The following FHOD3 variants were observed in gnomAD, a reference collection of about 807,000 sequenced individuals.
FHOD3 encodes the protein formin homology 2 domain containing 3.
Under a neutral mutation model 173.0 loss-of-function variants are expected in FHOD3, and 90 were observed. That is an observed-to-expected ratio of 0.52 (90% confidence interval 0.44 to 0.62). The LOEUF is 0.62. FHOD3 is among the 20% of genes least tolerant of loss of function. The probability of loss-of-function intolerance (pLI) is 0.00; values close to 1 mark genes in which losing one functional copy is unlikely to be tolerated. For synonymous variants in FHOD3, 828 were observed against 823.0 expected, an observed-to-expected ratio of 1.01 and a Z score of -0.10; for missense variants, 1,945 against 2,034.7, an observed-to-expected ratio of 0.96 and a Z score of 0.85.
At chr18:36,356,156 A>C (rs2046349200) in intron 2 of FHOD3, among the ~76,000 whole-genome samples, 1 of 152,256 alleles carries the variant, frequency 6.6e-6, no homozygotes, top group African/African-American at 2.4e-5. Context: ...ACTATTTTAG[A>C]TATTGTATTC....
chr18:36,390,920 C>G (rs992972126), intron 3 of FHOD3, among the ~76,000 whole-genome samples: 2 of 152,208 alleles, frequency 1.3e-5, no homozygotes, highest in African/African-American at 2.4e-5. Flanking sequence ...CTGGAAAGAT[C>G]AAGTATTTAC....
intron 7 of FHOD3, among the ~76,000 whole-genome samples, chr18:36,596,321 ATTTTTTTTTTTTTTTTT>A (rs539907617): frequency 0.023 from 1,325 of 57,614 alleles, 40 homozygotes; most frequent in Non-Finnish European, 0.026. Context: ...TGCCCAGCTA[ATTTTTTTTTTTTTTTTT>A]TTTTTTTTTT....
intron 24 of FHOD3, among the ~76,000 whole-genome samples, chr18:36,752,488 C>G (rs1407822596): frequency 6.6e-6 from 1 of 152,168 alleles, no homozygotes; most frequent in Non-Finnish European, 1.5e-5. Flanking sequence ...GGGGGGCCAG[C>G]CTGCCCATAA....
At chr18:36,386,687 G>C (rs2048048686) in intron 3 of FHOD3, among the ~76,000 whole-genome samples, 1 of 152,200 alleles carries the variant, frequency 6.6e-6, no homozygotes, top group African/African-American at 2.4e-5. Flanking sequence ...TGCTGTGGTG[G>C]AGATACTCAG....
intron 24 of FHOD3, among the ~76,000 whole-genome samples, 199 bp downstream of exon 24, chr18:36,747,334 C>T (rs1354108961): frequency 1.3e-5 from 2 of 152,110 alleles, no homozygotes; most frequent in Non-Finnish European, 2.9e-5. Flanking sequence ...GCCATCAAAC[C>T]TCAAAGTTGG....
intron 1 of FHOD3, among the ~76,000 whole-genome samples, chr18:36,322,120 G>A (rs746135149): frequency 2.0e-5 from 3 of 152,226 alleles, no homozygotes; most frequent in Non-Finnish European, 4.4e-5. Flanking sequence ...GAGGTGGAGG[G>A]TGGGTTGGAA....
intron 27 of FHOD3, among the ~76,000 whole-genome samples, chr18:36,763,581 AAT>A (rs781189604): frequency 2.1e-5 from 3 of 145,668 alleles, no homozygotes; most frequent in Non-Finnish European, 4.5e-5. Context: ...CGTTATATAT[AAT>A]ATGTGTATTA....
chr18:36,611,498 G>C (rs1232768931), intron 8 of FHOD3, among the ~76,000 whole-genome samples: 1 of 152,164 alleles, frequency 6.6e-6, no homozygotes, highest in Non-Finnish European at 1.5e-5. Context: ...GGTTGCTCCT[G>C]CCTCGAGGCC....
At chr18:36,448,084 A>G (rs1305500810) in intron 3 of FHOD3, among the ~76,000 whole-genome samples, 1 of 152,236 alleles carries the variant, frequency 6.6e-6, no homozygotes, top group African/African-American at 2.4e-5. Flanking sequence ...AGGAAATACA[A>G]CAAAAGGATA....
At chr18:36,692,107 T>C (rs181320052) in intron 16 of FHOD3, among the ~76,000 whole-genome samples, 16 of 152,350 alleles carry the variant, frequency 1.1e-4, no homozygotes, top group Admixed American at 3.9e-4. Flanking sequence ...GCCTTTGGGC[T>C]GGCAGGGAAA....
At chr18:36,335,361 A>G (rs942743252) in intron 1 of FHOD3, among the ~76,000 whole-genome samples, 24 of 151,604 alleles carry the variant, frequency 1.6e-4, no homozygotes, top group Non-Finnish European at 2.8e-4. Context: ...CGGGCGTGGT[A>G]GCGGGCGCCT....
intron 3 of FHOD3, among the ~76,000 whole-genome samples, chr18:36,481,020 GTTTTTTTT>G (rs35793521): frequency 9.6e-6 from 1 of 104,474 alleles, no homozygotes; most frequent in African/African-American, 4.0e-5. Context: ...TTGGGAGGTG[GTTTTTTTT>G]TTTTTTTTTT....
At chr18:36,696,974 A>C (rs934600831) in intron 17 of FHOD3, among the ~76,000 whole-genome samples, 1 of 152,130 alleles carries the variant, frequency 6.6e-6, no homozygotes, top group Non-Finnish European at 1.5e-5. Flanking sequence ...ATTTCCTATT[A>C]TTTTTAGAAA....
At position 36,324,164 on chromosome 18, in the gene FHOD3, A is replaced by G. The variant is rs139877139; in HGVS notation, c.165+26164A>G. Among the ~76,000 whole-genome samples, 70 of 152,362 alleles carry G rather than the reference A, an allele frequency of 4.6e-4. 1 individual carries two copies. Among genetic ancestry groups the G allele is most frequent in the African/African-American group, 1.7e-3 (69 of 41,590 alleles). On this transcript the variant is annotated intron_variant, in intron 1 of 28. Transcript: ENST00000590592. The stretch of plus-strand genomic sequence containing the variant: ...TCCTTTCACTAAATGGGACTAGGTC[A>G]GTTGGATATCCACATGGAAATAAAT...
intron 1 of FHOD3, among the ~76,000 whole-genome samples, chr18:36,349,595 A>G (rs143818718): frequency 6.6e-6 from 1 of 152,350 alleles, no homozygotes; most frequent in Non-Finnish European, 1.5e-5. Flanking sequence ...GATTACACAG[A>G]AATTTTATTG....
chr18:36,548,659 T>C (rs2057512705), intron 5 of FHOD3, among the ~76,000 whole-genome samples: 1 of 152,224 alleles, frequency 6.6e-6, no homozygotes, highest in South Asian at 2.1e-4. Flanking sequence ...TTGTATTTTC[T>C]ACAATTGTGT....
intron 5 of FHOD3, among the ~76,000 whole-genome samples, chr18:36,576,231 A>G (rs2058643426): frequency 6.6e-6 from 1 of 152,190 alleles, no homozygotes; most frequent in African/African-American, 2.4e-5. Flanking sequence ...CCTTAATTGC[A>G]TCTTCCGGGA....
At chr18:36,532,190 GCT>G (rs1363771201) in intron 5 of FHOD3, among the ~76,000 whole-genome samples, 2 of 152,170 alleles carry the variant, frequency 1.3e-5, no homozygotes, top group East Asian at 3.9e-4. Context: ...CATCAGCAAG[GCT>G]CTGTGATTTC....
At chr18:36,399,672 C>T (rs965824153) in intron 3 of FHOD3, among the ~76,000 whole-genome samples, 4 of 152,172 alleles carry the variant, frequency 2.6e-5, no homozygotes, top group Non-Finnish European at 5.9e-5. Context: ...GGCCTTCTAG[C>T]CCCCTCCGCT....
Sources: allele counts gnomAD v4.1 joint callset (sites outside exome capture counted in the v4.1 genomes callset), GRCh38; gene constraint gnomAD v4.1.1; transcripts MANE v1.5; gene names NCBI Gene and HGNC (gene_info 2026-07-23, HGNC 2026-07-21).